The following SEMA5A variants were observed in gnomAD, a reference collection of about 807,000 sequenced individuals.
The protein encoded by SEMA5A is semaphorin 5A, also known as semaphorin-5A.
A neutral mutation model predicts 135.5 loss-of-function variants in SEMA5A; 55 were observed. The ratio of observed to expected loss-of-function variants is 0.41; its 90% CI spans 0.33 to 0.51. SEMA5A has a LOEUF of 0.51. Among genes scored for constraint, SEMA5A ranks in the 20% least tolerant of loss-of-function variants. SEMA5A has a pLI of 0.37. For missense variants in SEMA5A, 1,290 were observed against 1,419.9 expected, an observed-to-expected ratio of 0.91 and a Z score of 1.47; for synonymous variants, 580 against 546.5, an observed-to-expected ratio of 1.06 and a Z score of -0.85.
intron 1 of SEMA5A, among the ~76,000 whole-genome samples, chr5:9,452,360 G>C (rs1471403588): frequency 6.6e-6 from 1 of 152,190 alleles, no homozygotes; most frequent in Non-Finnish European, 1.5e-5. Context: ...AGCTGCACTG[G>C]AATTCCAAAG....
intron 5 of SEMA5A, among the ~76,000 whole-genome samples, chr5:9,291,196 T>C (rs1037189459): frequency 6.6e-6 from 1 of 152,190 alleles, no homozygotes; most frequent in African/African-American, 2.4e-5. Context: ...GGAGTCAGAA[T>C]CAATGAGAAG....
intron 8 of SEMA5A, among the ~76,000 whole-genome samples, chr5:9,221,743 T>C (rs1468656574): frequency 6.6e-6 from 1 of 152,176 alleles, no homozygotes; most frequent in Admixed American, 6.5e-5. Flanking sequence ...AAGAATCAGC[T>C]ACAGACCCCG....
intron 15 of SEMA5A, among the ~76,000 whole-genome samples, chr5:9,117,058 C>A (rs987569608): frequency 6.6e-6 from 1 of 152,122 alleles, no homozygotes; most frequent in African/African-American, 2.4e-5. Flanking sequence ...TCACGTTTTC[C>A]TCCATTGAGC....
At chr5:9,386,117 T>C (rs1755876540) in intron 2 of SEMA5A, among the ~76,000 whole-genome samples, 1 of 152,204 alleles carries the variant, frequency 6.6e-6, no homozygotes, top group Non-Finnish European at 1.5e-5. Flanking sequence ...GCTTTTCAAA[T>C]GTTTGTTTTT....
chr5:9,224,437 A>T (rs1416239011), intron 8 of SEMA5A, among the ~76,000 whole-genome samples: 1 of 152,194 alleles, frequency 6.6e-6, no homozygotes, highest in Non-Finnish European at 1.5e-5. Context: ...ATAAGTGGTC[A>T]TATCAACATT....
At chr5:9,345,881 GTATT>G (rs1753842721) in intron 3 of SEMA5A, among the ~76,000 whole-genome samples, 1 of 152,076 alleles carries the variant, frequency 6.6e-6, no homozygotes, top group Non-Finnish European at 1.5e-5. Flanking sequence ...GTATACACAT[GTATT>G]TATTTCTATA....
intron 5 of SEMA5A, among the ~76,000 whole-genome samples, chr5:9,311,145 A>AT (rs1561133998): frequency 5.5e-5 from 4 of 73,232 alleles, no homozygotes; most frequent in Non-Finnish European, 1.4e-4. Context: ...ATTTCGCTCA[A>AT]CGGGGGGGTC....
At position 9,062,906 on chromosome 5, in the gene SEMA5A, G is replaced by T. The variant is rs967100283; in HGVS notation, c.2499C>A (p.Cys833Ter). The T allele has an allele frequency of 6.2e-7, 1 of 1,614,114 alleles. No homozygotes were observed. Among genetic ancestry groups the T allele is most frequent in the African/African-American group, 1.3e-5 (1 of 74,948 alleles). Reference sequence around the variant, plus strand: ...ACTTACCTGGGCAGGGCAAAATGTTGCATTCCTGGTATTCCAGAGATGGGC... The same window carrying T: ...ACTTACCTGGGCAGGGCAAAATGTTTCATTCCTGGTATTCCAGAGATGGGC... ...CLGPSLEYQECNILPCPVDGV... is the reference protein window; with the variant it reads ...CLGPSLEYQE The change falls in exon 18 of 23, where the codon TGC (cysteine) becomes TGA (stop). Residue 833 changes from cysteine to a stop codon, truncating the protein, a stop_gained. Transcript: ENST00000382496. LOFTEE classifies it high-confidence loss of function.
At chr5:9,510,186 C>T (rs1487380221) in intron 1 of SEMA5A, among the ~76,000 whole-genome samples, 6 of 152,208 alleles carry the variant, frequency 3.9e-5, no homozygotes, top group African/African-American at 1.2e-4. Flanking sequence ...CCAGAAGTCT[C>T]ACCTATTCAC....
chr5:9,135,582 C>T (rs981044106), intron 13 of SEMA5A, among the ~76,000 whole-genome samples: 10 of 152,218 alleles, frequency 6.6e-5, no homozygotes, highest in African/African-American at 9.6e-5. Flanking sequence ...ACTGTTGCAA[C>T]GCCTTCGCAG....
In SEMA5A at chr5:9,066,608, C is replaced by A. The variant is rs1178742366; in HGVS notation, c.2112G>T (p.Leu704=). The A allele has an allele frequency of 2.5e-6, 4 of 1,614,002 alleles. No individual in the cohort carries two copies. The highest frequency in any genetic ancestry group is 3.4e-6 in the Non-Finnish European group (4 of 1,180,018). ...AGGGTGTCCAGGGCGTGGTCTTCTT[C>A]AGCTCAGGACACGGGTTGGTGTTGC... ...QSCNTNPCPE[L]KKTTPWTPWT... Residue 704 remains leucine (L), a synonymous_variant, in exon 17 of 23, where the codon CTG becomes CTT. Coordinates refer to ENST00000382496, the MANE Select transcript of SEMA5A (RefSeq NM_003966.3).
At chr5:9,412,591 A>AT (rs201599831) in intron 2 of SEMA5A, among the ~76,000 whole-genome samples, 49,546 of 110,232 alleles carry the variant, frequency 0.45, 10,797 homozygotes, top group Admixed American at 0.56. Context: ...CAGATTTTGC[A>AT]TTTTTTTTTT....
At chr5:9,069,597 T>A (rs1737663603) in intron 16 of SEMA5A, among the ~76,000 whole-genome samples, 1 of 152,182 alleles carries the variant, frequency 6.6e-6, no homozygotes, top group Non-Finnish European at 1.5e-5. Flanking sequence ...ATTTTTTATT[T>A]TTTTTACAGC....
intron 1 of SEMA5A, among the ~76,000 whole-genome samples, chr5:9,512,957 G>A (rs1736289393): frequency 6.6e-6 from 1 of 151,702 alleles, no homozygotes; most frequent in Non-Finnish European, 1.5e-5. Flanking sequence ...AGAGTTCTGT[G>A]CCAAAGCAAG....
At chr5:9,534,127 T>C (rs914452260) in intron 1 of SEMA5A, among the ~76,000 whole-genome samples, 2 of 152,194 alleles carry the variant, frequency 1.3e-5, no homozygotes, top group African/African-American at 2.4e-5. Context: ...AGTAGCCAAC[T>C]CTGTCTCACT....
In SEMA5A at chr5:9,264,321, G is replaced by A. The variant is rs114695046; in HGVS notation, c.271-26431C>T. On this transcript the variant is annotated intron_variant, in intron 5 of 22. Transcript: ENST00000382496. ...AAGGAGGAAAAGAAAGGAAAAAGAAGGCCAGGAAGGTGAGGGAAAGTGGGA... is the reference window on the plus strand; with the variant it reads ...AAGGAGGAAAAGAAAGGAAAAAGAAAGCCAGGAAGGTGAGGGAAAGTGGGA... Among the ~76,000 whole-genome samples, 1,198 of 152,190 alleles carry A rather than the reference G, an allele frequency of 7.9e-3. 10 individuals are homozygous for A. Among genetic ancestry groups the A allele is most frequent in the Middle Eastern group, 0.031 (9 of 294 alleles).
At chr5:9,384,675 T>TAGAGATAG (rs70943959) in intron 2 of SEMA5A, among the ~76,000 whole-genome samples, 2 of 64,170 alleles carry the variant, frequency 3.1e-5, no homozygotes, top group Non-Finnish European at 6.7e-5. Context: ...GATAGATAGA[T>TAGAGATAG]ATAGATAGAT....
At chr5:9,515,832 T>C (rs1028787267) in intron 1 of SEMA5A, among the ~76,000 whole-genome samples, 2 of 152,332 alleles carry the variant, frequency 1.3e-5, no homozygotes, top group Admixed American at 6.5e-5. Flanking sequence ...CAAAAAATAG[T>C]ATGCTAAGAA....
chr5:9,461,840 T>C (rs1759068250), intron 1 of SEMA5A, among the ~76,000 whole-genome samples: 1 of 152,246 alleles, frequency 6.6e-6, no homozygotes, highest in Non-Finnish European at 1.5e-5. Context: ...TTTGCACATA[T>C]GTATGAACGT....
Sources: gnomAD v4.1 joint callset for allele counts (sites outside exome capture counted in the v4.1 genomes callset) on GRCh38, gnomAD v4.1.1 for gene constraint, MANE v1.5 for transcripts, NCBI Gene and HGNC (gene_info 2026-07-23, HGNC 2026-07-21) for gene names.